SPAG16: variants seen among roughly 807,000 people sequenced by gnomAD.
The protein encoded by SPAG16 is sperm associated antigen 16.
In SPAG16, 86 loss-of-function variants were observed where a neutral mutation model predicts 80.4. That is an observed-to-expected ratio of 1.07 (90% confidence interval 0.90 to 1.28). The LOEUF (loss-of-function observed/expected upper bound fraction) is 1.28. Among genes scored for constraint, SPAG16 ranks in the 50% most tolerant of loss-of-function variants. The probability of loss-of-function intolerance (pLI) is 0.00; values close to 1 mark genes in which losing one functional copy is unlikely to be tolerated. For missense variants in SPAG16, 870 were observed against 765.3 expected (o/e 1.14, Z -1.61); for synonymous variants, 294 against 265.9 (o/e 1.11, Z -1.03).
intron 5 of SPAG16, among the ~76,000 whole-genome samples, chr2:213,327,079 T>C (rs1042358175): frequency 1.3e-5 from 2 of 151,886 alleles, no homozygotes; most frequent in African/African-American, 2.4e-5. Flanking sequence ...CAAATTGTTT[T>C]CTTTATGATG....
chr2:213,799,437 G>T (rs2071244565), intron 10 of SPAG16, among the ~76,000 whole-genome samples: 2 of 151,992 alleles, frequency 1.3e-5, no homozygotes, highest in Non-Finnish European at 2.9e-5. Context: ...TGACATTGCT[G>T]AATCAAATAT....
chr2:213,317,416 A>C (rs1224794443), intron 5 of SPAG16, 60 bp downstream of exon 5: 3 of 1,537,794 alleles, frequency 2.0e-6, no homozygotes, highest in Non-Finnish European at 1.7e-6. Context: ...AAAAGAGTTG[A>C]GTGAAGCTGA....
intron 12 of SPAG16, among the ~76,000 whole-genome samples, chr2:214,010,388 G>GA (rs1025839810): frequency 6.8e-6 from 1 of 145,996 alleles, no homozygotes; most frequent in African/African-American, 2.7e-5. Flanking sequence ...AGGAGAAAGA[G>GA]AAAAAAAAGT....
At chr2:213,474,168 A>G (rs1371182912) in intron 9 of SPAG16, among the ~76,000 whole-genome samples, 2 of 152,214 alleles carry the variant, frequency 1.3e-5, no homozygotes, top group South Asian at 4.1e-4. Context: ...ATCCTTCCAC[A>G]TGTTCCCATT....
intron 9 of SPAG16, among the ~76,000 whole-genome samples, chr2:213,459,268 A>C (rs1410923529): frequency 2.0e-5 from 3 of 152,088 alleles, no homozygotes; most frequent in African/African-American, 7.2e-5. Context: ...TACGTTTCAT[A>C]TGCCTATTGT....
chr2:213,754,966 A>G (rs1347357081), intron 10 of SPAG16, among the ~76,000 whole-genome samples: 1 of 152,194 alleles, frequency 6.6e-6, no homozygotes, highest in East Asian at 1.9e-4. Flanking sequence ...TGTAATTACT[A>G]TTTCCTAAGT....
At chr2:213,474,575 C>T (rs2073269436) in intron 9 of SPAG16, among the ~76,000 whole-genome samples, 1 of 152,098 alleles carries the variant, frequency 6.6e-6, no homozygotes, top group South Asian at 2.1e-4. Context: ...TTTTGTGTAT[C>T]TCTATAAGCA....
intron 15 of SPAG16, among the ~76,000 whole-genome samples, chr2:214,165,540 T>A (rs2056619456): frequency 7.2e-6 from 1 of 139,290 alleles, no homozygotes. Flanking sequence ...TTTAAGACAG[T>A]TTCATTAGGT....
intron 13 of SPAG16, among the ~76,000 whole-genome samples, chr2:214,027,570 A>C (rs2048198365): frequency 6.6e-6 from 1 of 151,800 alleles, no homozygotes; most frequent in Admixed American, 6.6e-5. Flanking sequence ...AAGGATCTAT[A>C]AGATGTTGAC....
intron 9 of SPAG16, among the ~76,000 whole-genome samples, chr2:213,467,529 A>G (rs1297119262): frequency 6.6e-6 from 1 of 152,190 alleles, no homozygotes; most frequent in African/African-American, 2.4e-5. Flanking sequence ...GTTTTTCTTG[A>G]GATGCCCCTC....
At chr2:213,992,490 G>T (rs1431350789) in intron 12 of SPAG16, among the ~76,000 whole-genome samples, 1 of 151,782 alleles carries the variant, frequency 6.6e-6, no homozygotes, top group Non-Finnish European at 1.5e-5. Context: ...ATTAAAGTTA[G>T]GTTAATATAT....
At chr2:213,950,723 T>C (rs11682310) in intron 12 of SPAG16, among the ~76,000 whole-genome samples, 20,438 of 128,184 alleles carry the variant, frequency 0.16, 2,944 homozygotes, top group African/African-American at 0.39. Context: ...TTTTTTTTTT[T>C]CCCTCAAGAC....
chr2:213,684,045 G>A (rs2064530619), intron 10 of SPAG16, among the ~76,000 whole-genome samples: 1 of 152,180 alleles, frequency 6.6e-6, no homozygotes, highest in South Asian at 2.1e-4. Context: ...CTGACTGTAG[G>A]CTGACAACAT....
At chr2:214,060,773 G>A (rs2050220854) in intron 13 of SPAG16, among the ~76,000 whole-genome samples, 1 of 152,034 alleles carries the variant, frequency 6.6e-6, no homozygotes, top group African/African-American at 2.4e-5. Flanking sequence ...GAGTTGGAAT[G>A]CTACAACACA....
chr2:213,592,774 T>G (rs1401178362), intron 10 of SPAG16, among the ~76,000 whole-genome samples: 2 of 152,232 alleles, frequency 1.3e-5, no homozygotes, highest in Admixed American at 6.5e-5. Context: ...ACATGCAATT[T>G]GACGTTGATG....
chr2:213,840,029 T>C (rs2074292065), intron 10 of SPAG16, among the ~76,000 whole-genome samples: 1 of 152,184 alleles, frequency 6.6e-6, no homozygotes, highest in Non-Finnish European at 1.5e-5. Flanking sequence ...TCCAGCTTTA[T>C]AATTACTCTT....
In SPAG16 at chr2:214,191,811, G is replaced by A. The variant is rs952231033; in HGVS notation, c.1720+42545G>A. On this transcript the variant is annotated intron_variant, in intron 15 of 15. Coordinates refer to ENST00000331683, the MANE Select transcript of SPAG16 (RefSeq NM_024532.5). ...CATAGAATTTGAGGTTCTAGAAAAC[G>A]ATTTCCGTATAGTTATGTGTCCATG... is the stretch of plus-strand genomic sequence containing the variant. Among the ~76,000 whole-genome samples the A allele has an allele frequency of 3.3e-5, 5 of 150,582 alleles. No homozygotes were observed. The East Asian group carries it at 5.8e-4, about 18-fold the overall frequency.
At position 213,876,554 on chromosome 2, in the gene SPAG16, T is replaced by C. The variant is rs112676171; in HGVS notation, c.1214+13926T>C. 2.6e-5 allele frequency among the ~76,000 whole-genome samples: 4 copies of C among 152,262 alleles called. 1 individual carries two copies. The highest frequency in any genetic ancestry group is 9.6e-5 in the African/African-American group (4 of 41,574). On this transcript the variant is annotated intron_variant, in intron 11 of 15. Coordinates refer to ENST00000331683, the MANE Select transcript of SPAG16 (RefSeq NM_024532.5). ...TGAGCTTTTACTTTGACTAATCCAA[T>C]AGCTTTGGCCAAATATCTCAATGTC...
At chr2:213,752,579 G>T (rs1189033421) in intron 10 of SPAG16, among the ~76,000 whole-genome samples, 1 of 152,132 alleles carries the variant, frequency 6.6e-6, no homozygotes, top group African/African-American at 2.4e-5. Context: ...CTTTTCTCAT[G>T]GTCATTTAAT....
Sources: allele counts gnomAD v4.1 joint callset (sites outside exome capture counted in the v4.1 genomes callset), GRCh38; gene constraint gnomAD v4.1.1; transcripts MANE v1.5; gene names NCBI Gene and HGNC (gene_info 2026-07-23, HGNC 2026-07-21).